UFSP2: variants seen among roughly 807,000 people sequenced by gnomAD.
The protein encoded by UFSP2 is ufm1-specific protease 2.
A neutral mutation model predicts 60.2 loss-of-function variants in UFSP2; 43 were observed. The observed-to-expected ratio is 0.71, with a 90% CI of 0.56 to 0.92. The LOEUF is 0.92. Among genes scored for constraint, UFSP2 ranks in the 40% least tolerant of loss-of-function variants. The pLI is 0.00. For missense variants in UFSP2, 520 were observed against 575.0 expected (o/e 0.90, Z 0.98); for synonymous variants, 183 against 195.1 (o/e 0.94, Z 0.52).
chr4:185,408,571 T>G (rs2095524244), intron 7 of UFSP2, 136 bp from the exon 8 acceptor site: 3 of 915,056 alleles, frequency 3.3e-6, no homozygotes, highest in Non-Finnish European at 4.8e-6. Context: ...CCTTCACAGA[T>G]CTATGGTTTA....
At chr4:185,425,805 C>T (rs1428644696) in intron 1 of UFSP2, 61 bp downstream of exon 1, 10 of 1,579,072 alleles carry the variant, frequency 6.3e-6, no homozygotes, top group Non-Finnish European at 7.7e-6. Context: ...GAAGCCCGCT[C>T]GTGGCGGCTG....
In UFSP2 at chr4:185,425,897, T is replaced by A; in HGVS notation, c.-29A>T. ...CGCGACGTGGCGGTGACACGGGCGCTGACGCCTGCCCAAAAGTTCCGGGGG... is the reference window on the plus strand; with the variant it reads ...CGCGACGTGGCGGTGACACGGGCGCAGACGCCTGCCCAAAAGTTCCGGGGG... On this transcript the variant is annotated 5_prime_UTR_variant, in exon 1 of 12. Coordinates refer to ENST00000264689, the MANE Select transcript of UFSP2 (RefSeq NM_018359.5). The A allele has an allele frequency of 6.3e-7, 1 of 1,594,240 alleles. No homozygotes were observed. The highest frequency in any genetic ancestry group is 8.5e-7 in the Non-Finnish European group (1 of 1,170,592).
Position 185,399,818 on chromosome 4 carries a change from C to G in UFSP2, c.*574G>C. 1 of 1,610,350 alleles carries G rather than the reference C, an allele frequency of 6.2e-7. No homozygotes were observed. The highest frequency in any genetic ancestry group is 8.5e-7 in the Non-Finnish European group (1 of 1,177,816). ...TGCTTTTTTCCTCCCGCAGTGATCT[C>G]TTGTTTGCATAGCATTTATTATTCC... is the stretch of plus-strand genomic sequence containing the variant. On this transcript the variant is annotated 3_prime_UTR_variant, in exon 12 of 12. Transcript: ENST00000264689.
chr4:185,400,880 T>G lies in UFSP2; in HGVS notation c.1324-402A>C, dbSNP rs142327023. ...CAGTGGCATCTTAGGATTGAAGTAC[T>G]GTAGTGAGAAACCTCAGCTTGCCCC... is the stretch of plus-strand genomic sequence containing the variant. On this transcript the variant is annotated intron_variant, in intron 11 of 11. Transcript: ENST00000264689. 7.5e-3 allele frequency among the ~76,000 whole-genome samples: 1,150 copies of G among 152,354 alleles called. 6 individuals carry two copies. The highest frequency in any genetic ancestry group is 0.013 in the Non-Finnish European group (906 of 68,016).
chr4:185,422,375 T>A (rs766027428), intron 2 of UFSP2, 110 bp downstream of exon 2: 44 of 809,708 alleles, frequency 5.4e-5, no homozygotes, highest in Non-Finnish European at 8.4e-5. Context: ...ACTAACAATA[T>A]AATCTTAGTT....
intron 4 of UFSP2, among the ~76,000 whole-genome samples, chr4:185,417,760 C>T (rs2095541297): frequency 6.6e-6 from 1 of 151,938 alleles, no homozygotes; most frequent in African/African-American, 2.4e-5. Flanking sequence ...ATCAACAGAA[C>T]CAGCCGGGCG....
At chr4:185,414,587 A>C (rs2095535078) in intron 6 of UFSP2, among the ~76,000 whole-genome samples, 2 of 152,200 alleles carry the variant, frequency 1.3e-5, no homozygotes, top group Admixed American at 1.3e-4. Context: ...AAGATGCTCC[A>C]CGGTCTAATT....
chr4:185,404,026 T>G (rs2095516809), intron 10 of UFSP2, among the ~76,000 whole-genome samples: 1 of 149,456 alleles, frequency 6.7e-6, no homozygotes, highest in Non-Finnish European at 1.5e-5. Flanking sequence ...AAAATAGCAT[T>G]AAAATGGACT....
At chr4:185,410,269 G>A (rs1211228903) in intron 7 of UFSP2, among the ~76,000 whole-genome samples, 3 of 152,120 alleles carry the variant, frequency 2.0e-5, no homozygotes, top group Non-Finnish European at 4.4e-5. Context: ...ATACTTAGAA[G>A]TGAACAAAAC....
chr4:185,399,580 A>G lies in UFSP2; in HGVS notation c.*812T>C. On this transcript the variant is annotated 3_prime_UTR_variant, in exon 12 of 12. Transcript: ENST00000264689. ...TTATCCTGTTTTCAGTTTATGTAAT[A>G]AGAACGGGCAAACAGCTGAAGATCT... The G allele has an allele frequency of 6.2e-7, 1 of 1,614,208 alleles. No homozygotes were observed. Among genetic ancestry groups the G allele is most frequent in the Non-Finnish European group, 8.5e-7 (1 of 1,180,018 alleles).
chr4:185,425,559 C>T (rs894447489), intron 1 of UFSP2, among the ~76,000 whole-genome samples: 3 of 152,304 alleles, frequency 2.0e-5, no homozygotes, highest in South Asian at 2.1e-4. Flanking sequence ...TTGCGCCTGT[C>T]CCAGGTTAAG....
intron 1 of UFSP2, among the ~76,000 whole-genome samples, chr4:185,424,745 G>T (rs568522467): frequency 2.0e-5 from 3 of 152,244 alleles, no homozygotes; most frequent in South Asian, 2.1e-4. Flanking sequence ...AGACAGGAAA[G>T]AACAAATTTT....
chr4:185,399,893 A>C lies in UFSP2; in HGVS notation c.*499T>G. On this transcript the variant is annotated 3_prime_UTR_variant, in exon 12 of 12. Coordinates refer to ENST00000264689, the MANE Select transcript of UFSP2 (RefSeq NM_018359.5). ...TAGTAGTATTGTTTCATTCTCATTA[A>C]CATTTTAGTACTGGTTATACTTACC... 2.6e-6 allele frequency: 4 copies of C among 1,537,060 alleles called. No homozygotes were observed. The highest frequency in any genetic ancestry group is 2.6e-6 in the Non-Finnish European group (3 of 1,142,896).
intron 1 of UFSP2, among the ~76,000 whole-genome samples, chr4:185,422,945 G>A (rs921271407): frequency 6.6e-6 from 1 of 152,134 alleles, no homozygotes; most frequent in Non-Finnish European, 1.5e-5. Context: ...TGCAACCTCC[G>A]CCTCCTGGGT....
intron 4 of UFSP2, among the ~76,000 whole-genome samples, chr4:185,418,069 A>T (rs77549064): frequency 0.021 from 485 of 22,784 alleles, 6 homozygotes; most frequent in African/African-American, 0.082. Context: ...CACACACACA[A>T]ACAACAGAAC....
At position 185,415,136 on chromosome 4, in the gene UFSP2, A is replaced by C. The variant is rs770625826; in HGVS notation, c.684+19T>G. The C allele has an allele frequency of 6.5e-7, 1 of 1,546,332 alleles. No individual in the cohort carries two copies. The highest frequency in any genetic ancestry group is 2.4e-5 in the Admixed American group (1 of 41,406). ...ATAGTCATTATTGTTTTTTCTAAGAATAGATGAACTGGTTTTACCTTCCTA... is the reference window on the plus strand; with the variant it reads ...ATAGTCATTATTGTTTTTTCTAAGACTAGATGAACTGGTTTTACCTTCCTA... On this transcript the variant is annotated intron_variant, in intron 6 of 11. Transcript: ENST00000264689.
At chr4:185,424,140 C>CAA (rs5864936) in intron 1 of UFSP2, among the ~76,000 whole-genome samples, 2 of 135,222 alleles carry the variant, frequency 1.5e-5, no homozygotes, top group East Asian at 4.3e-4. Context: ...CCATCTCTAC[C>CAA]AAAAAAAAAA....
chr4:185,422,600 A>T, intron 1 of UFSP2, 37 bp from the exon 2 acceptor site: 1 of 1,337,718 alleles, frequency 7.5e-7, no homozygotes, highest in Non-Finnish European at 1.0e-6. Context: ...CTCCCTTGTA[A>T]AACAAAACAA....
chr4:185,415,951 T>C, intron 4 of UFSP2, 84 bp from the exon 5 acceptor site: 1 of 1,191,792 alleles, frequency 8.4e-7, no homozygotes, highest in Non-Finnish European at 1.1e-6. Context: ...TTCAAAAATG[T>C]ATTTATTATT....
Sources: gnomAD v4.1 joint callset for allele counts (sites outside exome capture counted in the v4.1 genomes callset) on GRCh38, gnomAD v4.1.1 for gene constraint, MANE v1.5 for transcripts, NCBI Gene and HGNC (gene_info 2026-07-23, HGNC 2026-07-21) for gene names.